Variants in LCE4A observed in about 807,000 individuals in gnomAD.
The protein encoded by LCE4A is late cornified envelope protein 4A.
For synonymous variants in LCE4A, 41 were observed against 42.3 expected (o/e 0.97, Z 0.12); for missense variants, 110 against 111.3 (o/e 0.99, Z 0.05).
intron 1 of LCE4A, 141 bp from the exon 2 acceptor site, chr1:152,708,914 T>A (rs1463545366): frequency 8.3e-6 from 5 of 606,050 alleles, no homozygotes; most frequent in Non-Finnish European, 1.5e-5. Flanking sequence ...GAAGATATAC[T>A]CTTTGTCTGA....
chr1:152,708,559 C>T (rs1422183291), intron 1 of LCE4A, among the ~76,000 whole-genome samples, 165 bp downstream of exon 1: 1 of 152,192 alleles, frequency 6.6e-6, no homozygotes, highest in South Asian at 2.1e-4. Flanking sequence ...AAAGCAGGAA[C>T]CAACCTGGGA....
In LCE4A at chr1:152,709,188, C is replaced by T. The variant is rs755215785; in HGVS notation, c.113C>T (p.Ser38Phe). 6.5e-6 allele frequency: 4 copies of T among 619,518 alleles called. No individual in the cohort carries two copies. The East Asian group carries it at 1.1e-4, about 17-fold the overall frequency. 38.4% of individuals were successfully genotyped at this position (619,518 alleles called of 1,614,324 possible). A position where few individuals can be genotyped will look rare whatever the true frequency, so the allele number is the denominator to read the frequency against. The change falls in exon 2 of 2, where the codon TCT becomes TTT. Residue 38 changes from serine to phenylalanine, a missense_variant. Ser to Phe is a radical substitution (Grantham distance 155). Coordinates refer to ENST00000368777, the MANE Select transcript of LCE4A (RefSeq NM_001387222.1). ...KCASSCPPPI[S>F]SCCGSSSGGC... ...GCATCCTCATGCCCACCTCCAATCTCTTCCTGCTGTGGCTCCAGCTCTGGG... is the reference window on the plus strand; with the variant it reads ...GCATCCTCATGCCCACCTCCAATCTTTTCCTGCTGTGGCTCCAGCTCTGGG...
At chr1:152,708,916 T>G in intron 1 of LCE4A, 139 bp from the exon 2 acceptor site, 1 of 609,582 alleles carries the variant, frequency 1.6e-6, no homozygotes, top group Non-Finnish European at 2.9e-6. Context: ...AGATATACTC[T>G]TTGTCTGAAA....
At chr1:152,708,460 T>A (rs1299028151) in intron 1 of LCE4A, 66 bp downstream of exon 1, 3 of 152,590 alleles carry the variant, frequency 2.0e-5, no homozygotes, top group Non-Finnish European at 4.4e-5. Context: ...GGAGAGTAAT[T>A]CTGGAAGTCG....
At chr1:152,708,502 C>T (rs2101530119) in intron 1 of LCE4A, 108 bp downstream of exon 1, 1 of 152,660 alleles carries the variant, frequency 6.6e-6, no homozygotes, top group East Asian at 1.9e-4. Flanking sequence ...AGGAGGATGA[C>T]ATGGTGGACA....
intron 1 of LCE4A, among the ~76,000 whole-genome samples, 162 bp from the exon 2 acceptor site, chr1:152,708,893 A>G (rs1381995115): frequency 2.6e-5 from 4 of 152,188 alleles, no homozygotes; most frequent in Admixed American, 6.5e-5. Context: ...CTCTAGGGGT[A>G]CAAAAGTAAT....
In LCE4A at chr1:152,708,241, C is replaced by T; in HGVS notation, c.-175C>T. 6.6e-6 allele frequency: 1 copy of T among 152,332 alleles called. No homozygotes were observed. Among genetic ancestry groups the T allele is most frequent in the East Asian group, 1.9e-4 (1 of 5,198 alleles). The allele number at this position is 152,332 out of a possible 1,614,324, so 9.4% of individuals were successfully genotyped here. A position where few individuals can be genotyped will look rare whatever the true frequency, so the allele number is the denominator to read the frequency against. Reference sequence around the variant, plus strand: ...GAGGCAGGAGAATGTCAGGCATGACCCCACACTTGTGCAACAGCCACGTCC... The same window carrying T: ...GAGGCAGGAGAATGTCAGGCATGACTCCACACTTGTGCAACAGCCACGTCC... On this transcript the variant is annotated 5_prime_UTR_variant, in exon 1 of 2. Transcript: ENST00000368777.
At position 152,709,282 on chromosome 1, in the gene LCE4A, C is replaced by G; in HGVS notation, c.207C>G (p.His69Gln). 1 of 1,614,192 alleles carries G rather than the reference C, an allele frequency of 6.2e-7. No individual in the cohort carries two copies. The highest frequency in any genetic ancestry group is 8.5e-7 in the Non-Finnish European group (1 of 1,180,024). Residue 69 changes from histidine to glutamine, a missense_variant, in exon 2 of 2, where the codon CAC becomes CAG. By Grantham distance (24) the His-to-Gln change is conservative. Transcript: ENST00000368777. ...GCCACCACAGACACCATAGGTCCCACTGCCACAGACCCAAGAGCTCCAATT... is the reference window on the plus strand; with the variant it reads ...GCCACCACAGACACCATAGGTCCCAGTGCCACAGACCCAAGAGCTCCAATT... ...CLSHHRHHRS[H>Q]CHRPKSSNCY... is the part of the protein sequence containing the mutation.
Position 152,709,114 on chromosome 1 carries a change from TCCCAAGTGTCCTATC to T in LCE4A, c.47_61del (p.Cys16_Lys20del). On this transcript the variant is annotated inframe_deletion, in exon 2 of 2. Transcript: ENST00000368777. ...AGAACCAACAGCAGTGCCAGCCCCC[TCCCAAGTGTCCTATC>T]CCCAAGTATCCCCCAAAATGTCCCT... 6.2e-7 allele frequency: 1 copy of T among 1,613,068 alleles called. No homozygotes were observed.
rs1649737589 is a variant in LCE4A, at chr1:152,709,055, G to T, written c.-21G>T. The T allele has an allele frequency of 2.4e-5, 39 of 1,597,526 alleles. No homozygotes were observed. The highest frequency in any genetic ancestry group is 3.3e-5 in the Non-Finnish European group (38 of 1,168,704). ...TATATGTTTCTATTTTGTCATTCAG[G>T]TTTATCGAAATCCCACCAAGATGTC... is the stretch of plus-strand genomic sequence containing the variant. On this transcript the variant is annotated splice_region_variant and 5_prime_UTR_variant, in exon 2 of 2. Coordinates refer to ENST00000368777, the MANE Select transcript of LCE4A (RefSeq NM_001387222.1).
chr1:152,709,032 T>C (rs946053965), intron 1 of LCE4A, 23 bp from the exon 2 acceptor site: 2 of 1,453,782 alleles, frequency 1.4e-6, no homozygotes, highest in Admixed American at 1.8e-5. Flanking sequence ...AGTTTCTGTA[T>C]ATGTTTCTAT....
Position 152,709,248 on chromosome 1 carries a change from G to A in LCE4A, c.173G>A (p.Cys58Tyr), listed in dbSNP as rs1649748376. Residue 58 changes from cysteine to tyrosine, a missense_variant, in exon 2 of 2, where the codon TGC (cysteine) becomes TAC (tyrosine). Physicochemically the swap from Cys to Tyr is radical, Grantham distance 194 (BLOSUM62 -2). Transcript: ENST00000368777. ...TGCTGCAGCTCTGAGGGAGGTGGCT[G>A]CTGCCTGAGCCACCACAGACACCAT... The part of the protein sequence containing the change: ...CGCCSSEGGG[C>Y]CLSHHRHHRS... 3.1e-6 allele frequency: 5 copies of A among 1,614,006 alleles called. No individual in the cohort carries two copies. The highest frequency in any genetic ancestry group is 1.3e-5 in the African/African-American group (1 of 74,934).
chr1:152,709,019 T>C, intron 1 of LCE4A, 36 bp from the exon 2 acceptor site: 1 of 1,345,516 alleles, frequency 7.4e-7, no homozygotes, highest in Non-Finnish European at 1.0e-6. Context: ...GCTCTTGATA[T>C]TAAGTTTCTG....
In LCE4A at chr1:152,709,337, G is replaced by A. The variant is rs1372706594; in HGVS notation, c.262G>A (p.Gly88Arg). The A allele has an allele frequency of 6.2e-7, 1 of 1,606,282 alleles. No individual in the cohort carries two copies. Among genetic ancestry groups the A allele is most frequent in the Admixed American group, 1.7e-5 (1 of 59,666 alleles). The stretch of plus-strand genomic sequence containing the variant: ...TGGCAGTGGCAGTGGCCAGCAGTCT[G>A]GGGGTTCTGGCTGCTGCTCTGGAGG... Reference protein sequence around the residue: ...CYGSGSGQQSGGSGCCSGGGC... With the variant: ...CYGSGSGQQSRGSGCCSGGGC... Residue 88 changes from glycine to arginine, a missense_variant, in exon 2 of 2, where the codon GGG (glycine) becomes AGG (arginine). Gly to Arg is a moderately radical substitution (Grantham distance 125). Transcript: ENST00000368777.
rs1304556697 is a variant in LCE4A, at chr1:152,708,323, G to A, written c.-93G>A. 2.0e-5 allele frequency: 3 copies of A among 152,384 alleles called. 1 individual carries two copies. The highest frequency in any genetic ancestry group is 7.2e-5 in the African/African-American group (3 of 41,466). 9.4% of individuals were successfully genotyped at this position (152,384 alleles called of 1,614,324 possible). On this transcript the variant is annotated 5_prime_UTR_variant, in exon 1 of 2. In the 5' UTR this introduces an upstream ATG that the reference lacks. Transcript: ENST00000368777. ...CCCAGCCCCAGGATCCATACAAAGT[G>A]TGTTCCTGCTGCTGGCTTCTCATCT...
intron 1 of LCE4A, 39 bp downstream of exon 1, chr1:152,708,433 G>A (rs11205080): frequency 0.1 from 15,660 of 152,540 alleles, 970 homozygotes; most frequent in African/African-American, 0.17. Context: ...GGACGCTAGC[G>A]GGATGAAGAT....
chr1:152,709,164 C>T lies in LCE4A; in HGVS notation c.89C>T (p.Ala30Val), dbSNP rs750957522. The T allele has an allele frequency of 2.5e-6, 4 of 1,613,948 alleles. No homozygotes were observed. The East Asian group carries it at 6.7e-5, about 27-fold the overall frequency. Residue 30 changes from alanine to valine, a missense_variant, in exon 2 of 2, where the codon GCA (alanine) becomes GTA (valine). Coordinates refer to ENST00000368777, the MANE Select transcript of LCE4A (RefSeq NM_001387222.1). ...KYPPKCPSKC[A>V]SSCPPPISSC... is the part of the protein sequence containing the mutation. ...CCCCCAAAATGTCCCTCAAAGTGTG[C>T]ATCCTCATGCCCACCTCCAATCTCT...
chr1:152,709,135 G>A lies in LCE4A; in HGVS notation c.60G>A (p.Lys20=), dbSNP rs370378908. The A allele has an allele frequency of 1.2e-6, 2 of 1,613,718 alleles. No homozygotes were observed. Among genetic ancestry groups the A allele is most frequent in the Non-Finnish European group, 1.7e-6 (2 of 1,179,846 alleles). ...CCCCTCCCAAGTGTCCTATCCCCAA[G>A]TATCCCCCAAAATGTCCCTCAAAGT... ...CQPPPKCPIP[K]YPPKCPSKCA... is the part of the protein sequence containing the mutation. The change falls in exon 2 of 2, where the codon AAG becomes AAA. Residue 20 remains lysine, a synonymous_variant. Coordinates refer to ENST00000368777, the MANE Select transcript of LCE4A (RefSeq NM_001387222.1).
chr1:152,709,365 G>C lies in LCE4A; in HGVS notation c.290G>C (p.Gly97Ala), dbSNP rs1019834894. Residue 97 changes from glycine (G) to alanine (A), a missense_variant, in exon 2 of 2, where the codon GGC becomes GCC. By Grantham distance (60) the Gly-to-Ala change is moderately conservative (BLOSUM62 0). Coordinates refer to ENST00000368777, the MANE Select transcript of LCE4A (RefSeq NM_001387222.1). ...GGTTCTGGCTGCTGCTCTGGAGGGGGCTGTTGCTGACCTGGACCAGGAGCA... is the reference window on the plus strand; with the variant it reads ...GGTTCTGGCTGCTGCTCTGGAGGGGCCTGTTGCTGACCTGGACCAGGAGCA... ...SGGSGCCSGGGCC is the reference protein window; with the variant it reads ...SGGSGCCSGGACC 1 of 1,582,946 alleles carries C rather than the reference G, an allele frequency of 6.3e-7. No individual in the cohort carries two copies. Among genetic ancestry groups the C allele is most frequent in the Non-Finnish European group, 8.6e-7 (1 of 1,163,062 alleles).
Sources: gnomAD v4.1 joint callset for allele counts (sites outside exome capture counted in the v4.1 genomes callset) on GRCh38, gnomAD v4.1.1 for gene constraint, MANE v1.5 for transcripts, NCBI Gene and HGNC (gene_info 2026-07-23, HGNC 2026-07-21) for gene names.